Variants in SP4 observed in about 807,000 individuals in gnomAD.
The protein encoded by SP4 is Sp4 transcription factor.
A neutral mutation model predicts 72.8 loss-of-function variants in SP4; 19 were observed. The ratio of observed to expected loss-of-function variants is 0.26; its 90% CI spans 0.18 to 0.38. SP4 has a LOEUF of 0.38. Ranked by LOEUF, SP4 falls within the 10% of genes least tolerant of loss-of-function variation. The pLI is 1.00. For missense variants in SP4, 1,008 were observed against 926.3 expected (o/e 1.09, Z -1.14); for synonymous variants, 395 against 333.1 (o/e 1.19, Z -2.02).
chr7:21,505,239 G>A (rs1562631101), intron 5 of SP4, among the ~76,000 whole-genome samples: 1 of 152,112 alleles, frequency 6.6e-6, no homozygotes, highest in South Asian at 2.1e-4. Flanking sequence ...TATTCTCTCT[G>A]GGTTTATTCT....
intron 3 of SP4, among the ~76,000 whole-genome samples, chr7:21,436,240 G>A (rs1032564032): frequency 1.2e-4 from 18 of 152,040 alleles, no homozygotes; most frequent in African/African-American, 3.4e-4. Flanking sequence ...ATTCTGAATC[G>A]GAATATATAA....
intron 3 of SP4, among the ~76,000 whole-genome samples, chr7:21,476,562 G>A (rs1047282850): frequency 1.3e-5 from 2 of 152,082 alleles, no homozygotes; most frequent in African/African-American, 2.4e-5. Flanking sequence ...AAAAAAAGTC[G>A]AATCAATAAA....
In SP4 at chr7:21,486,385, T is replaced by G. The variant is rs569795795; in HGVS notation, c.2107+4262T>G. On this transcript the variant is annotated intron_variant, in intron 5 of 5. Transcript: ENST00000222584. ...TGTTGCAATACTATTAATTACACTT[T>G]CCACCAATATACCTTTTCTTTTCCA... Among the ~76,000 whole-genome samples the G allele has an allele frequency of 3.3e-5, 5 of 152,264 alleles. No individual in the cohort carries two copies. In the South Asian group the frequency reaches 1.0e-3, roughly 32 times the overall value.
intron 3 of SP4, among the ~76,000 whole-genome samples, chr7:21,446,823 C>CTT (rs34433968): frequency 0.19 from 28,150 of 148,346 alleles, 4,018 homozygotes; most frequent in East Asian, 0.63. Context: ...TTGACAAATT[C>CTT]TTTTTTTTTT....
chr7:21,429,239 G>A (rs1400088499), intron 2 of SP4, 50 bp from the exon 3 acceptor site: 6 of 1,066,802 alleles, frequency 5.6e-6, no homozygotes, highest in East Asian at 2.5e-5. Flanking sequence ...CACTAAATCC[G>A]CCCACTTTTT....
rs1203901692 is a variant in SP4 at position 21,512,956 on chromosome 7, ATG to A, written c.*1689_*1690del. On this transcript the variant is annotated 3_prime_UTR_variant, in exon 6 of 6. Coordinates refer to ENST00000222584, the MANE Select transcript of SP4 (RefSeq NM_003112.5). ...ACTTAAATATTAATAAGGATATTTT[ATG>A]TTTTAAAAAAGTATTTACACAGAAT... 6.6e-6 allele frequency: 1 copy of A among 152,664 alleles called. No homozygotes were observed. Among genetic ancestry groups the A allele is most frequent in the African/African-American group, 2.4e-5 (1 of 41,470 alleles). 9.5% of individuals were successfully genotyped at this position (152,664 alleles called of 1,614,324 possible). A position where few individuals can be genotyped will look rare whatever the true frequency, so the allele number is the denominator to read the frequency against.
intron 5 of SP4, among the ~76,000 whole-genome samples, chr7:21,493,171 G>A (rs919817638): frequency 6.7e-6 from 1 of 149,466 alleles, no homozygotes; most frequent in African/African-American, 2.5e-5. Flanking sequence ...TTGCACTCCA[G>A]CCTGGACGAC....
chr7:21,508,849 G>C (rs1039009695), intron 5 of SP4, among the ~76,000 whole-genome samples: 3 of 132,194 alleles, frequency 2.3e-5, no homozygotes, highest in Non-Finnish European at 3.1e-5. Flanking sequence ...GCCGTGCTCT[G>C]TCATCCAGGC....
chr7:21,506,092 A>G (rs1781991477), intron 5 of SP4, among the ~76,000 whole-genome samples: 1 of 152,166 alleles, frequency 6.6e-6, no homozygotes, highest in Non-Finnish European at 1.5e-5. Flanking sequence ...GTTAGTTCCT[A>G]CTTCAGGAAC....
intron 3 of SP4, among the ~76,000 whole-genome samples, chr7:21,443,014 G>A (rs1367245180): frequency 6.6e-6 from 1 of 152,182 alleles, no homozygotes; most frequent in Non-Finnish European, 1.5e-5. Flanking sequence ...GGGATTACAG[G>A]TTTAAGCCAC....
At chr7:21,482,939 G>A (rs756675634) in intron 5 of SP4, 4 of 175,918 alleles carry the variant, frequency 2.3e-5, no homozygotes, top group Non-Finnish European at 4.5e-5. Flanking sequence ...GCTAGGGTTT[G>A]TGTGTGCTAT....
chr7:21,435,942 G>A (rs1032616418), intron 3 of SP4, among the ~76,000 whole-genome samples: 5 of 151,668 alleles, frequency 3.3e-5, no homozygotes, highest in Non-Finnish European at 5.9e-5. Flanking sequence ...TCGTTCTGTC[G>A]CCCAGGCTGG....
chr7:21,501,835 C>G lies in SP4; in HGVS notation c.2108-9187C>G, dbSNP rs752006653. Among the ~76,000 whole-genome samples, 4 of 152,160 alleles carry G rather than the reference C, an allele frequency of 2.6e-5. No homozygotes were observed. The South Asian group carries it at 8.3e-4, about 32-fold the overall frequency. On this transcript the variant is annotated intron_variant, in intron 5 of 5. Transcript: ENST00000222584. The stretch of plus-strand genomic sequence containing the variant: ...CTTTTTCTGCTAGTATCATGTCTAG[C>G]GCAAGCCTGTTTTCCCAGGCCATTT...
chr7:21,460,542 G>A (rs1783927810), intron 3 of SP4, among the ~76,000 whole-genome samples: 1 of 152,208 alleles, frequency 6.6e-6, no homozygotes, highest in Admixed American at 6.5e-5. Flanking sequence ...CCACAGTATG[G>A]AAGGGGACCC....
intron 5 of SP4, among the ~76,000 whole-genome samples, chr7:21,510,005 A>G (rs1020360603): frequency 3.9e-5 from 6 of 152,192 alleles, no homozygotes; most frequent in African/African-American, 1.2e-4. Context: ...GGAAGACACA[A>G]AAGCAGAAAT....
chr7:21,507,208 T>G (rs1782021558), intron 5 of SP4, among the ~76,000 whole-genome samples: 1 of 152,212 alleles, frequency 6.6e-6, no homozygotes, highest in Admixed American at 6.5e-5. Flanking sequence ...AATTCCTAAT[T>G]TCAATACTTG....
intron 3 of SP4, among the ~76,000 whole-genome samples, chr7:21,448,785 AGT>A (rs2128397562): frequency 6.6e-6 from 1 of 152,332 alleles, no homozygotes; most frequent in South Asian, 2.1e-4. Flanking sequence ...AACATTTTAC[AGT>A]CTTATTTTCT....
At chr7:21,476,143 A>T (rs867979897) in intron 3 of SP4, among the ~76,000 whole-genome samples, 2 of 152,064 alleles carry the variant, frequency 1.3e-5, no homozygotes, top group South Asian at 2.1e-4. Context: ...GCATGGTGGC[A>T]CACGCCTGTC....
At chr7:21,471,333 A>AT (rs1784336920) in intron 3 of SP4, among the ~76,000 whole-genome samples, 2 of 152,220 alleles carry the variant, frequency 1.3e-5, no homozygotes, top group South Asian at 4.1e-4. Context: ...TACAAGCAAT[A>AT]GGTATGGTGA....
Sources: allele counts gnomAD v4.1 joint callset (sites outside exome capture counted in the v4.1 genomes callset), GRCh38; gene constraint gnomAD v4.1.1; transcripts MANE v1.5; gene names NCBI Gene and HGNC (gene_info 2026-07-23, HGNC 2026-07-21).